The following DMTF1 variants were observed in gnomAD, a reference collection of about 807,000 sequenced individuals.
The protein encoded by DMTF1 is cyclin-D-binding Myb-like transcription factor 1.
A neutral mutation model predicts 91.1 loss-of-function variants in DMTF1; 39 were observed. The ratio of observed to expected loss-of-function variants is 0.43; its 90% CI spans 0.33 to 0.56. DMTF1 has a LOEUF of 0.56. DMTF1 is among the 20% of genes least tolerant of loss of function. The pLI is 0.05. For missense variants in DMTF1, 750 were observed against 914.5 expected (o/e 0.82, Z 2.32); for synonymous variants, 338 against 309.5 (o/e 1.09, Z -0.97).
chr7:87,193,207 C>G lies in DMTF1; in HGVS notation c.1504C>G (p.Leu502Val). The part of the protein sequence containing the change: ...QTFEILPSFH[L>V]QPTGTPGTYL... ...TTCCTTTTTCCTTTAGTCTTTCCAT[C>G]TACAGCCCACTGGCACTCCAGGCAC... Residue 502 changes from leucine to valine, a missense_variant, in exon 15 of 18, where the codon CTA (leucine) becomes GTA (valine). By Grantham distance (32) the Leu-to-Val change is conservative (BLOSUM62 1). Around this residue, in one of 3 missense-constraint regions of DMTF1, gnomAD observed 410 missense variants for 420.2 expected, o/e 0.98. Transcript: ENST00000331242. 1 of 1,613,096 alleles carries G rather than the reference C, an allele frequency of 6.2e-7. No individual in the cohort carries two copies. The highest frequency in any genetic ancestry group is 8.5e-7 in the Non-Finnish European group (1 of 1,179,398).
chr7:87,176,077 C>T (rs915492137), intron 7 of DMTF1, among the ~76,000 whole-genome samples: 5 of 152,126 alleles, frequency 3.3e-5, no homozygotes, highest in South Asian at 2.1e-4. Context: ...ATTCTCCTAT[C>T]GTTTGGTATA....
At position 87,181,407 on chromosome 7, in the gene DMTF1, T is replaced by C. The variant is rs1183783523; in HGVS notation, c.710+66T>C. 4.9e-6 allele frequency: 4 copies of C among 817,320 alleles called. No homozygotes were observed. In the East Asian group the frequency reaches 8.0e-5, roughly 16 times the overall value. The allele number at this position is 817,320 out of a possible 1,614,324, so 50.6% of individuals were successfully genotyped here. ...GTCTTACGTCCTTAAAAGTTTTACT[T>C]TGAAAATTTCAAGAGGTTTTTGGCA... On this transcript the variant is annotated intron_variant, in intron 9 of 17. Coordinates refer to ENST00000331242, the MANE Select transcript of DMTF1 (RefSeq NM_001142327.2).
At chr7:87,170,254 C>T (rs905659714) in intron 4 of DMTF1, among the ~76,000 whole-genome samples, 2 of 152,156 alleles carry the variant, frequency 1.3e-5, no homozygotes, top group Non-Finnish European at 2.9e-5. Context: ...TTGCCTTCAC[C>T]CTAGTCCAAG....
chr7:87,176,014 A>G (rs562363323), intron 7 of DMTF1, among the ~76,000 whole-genome samples: 3 of 152,178 alleles, frequency 2.0e-5, no homozygotes, highest in Non-Finnish European at 2.9e-5. Context: ...TGTTATGTCT[A>G]AAATGTAGAT....
intron 8 of DMTF1, 168 bp from the exon 9 acceptor site, chr7:87,181,141 C>G: frequency 2.3e-6 from 1 of 440,954 alleles, no homozygotes; most frequent in South Asian, 2.4e-5. Context: ...TGAGCCGCAC[C>G]CTGCCTATTC....
intron 5 of DMTF1, among the ~76,000 whole-genome samples, chr7:87,172,297 A>G (rs781443987): frequency 6.6e-6 from 1 of 152,236 alleles, no homozygotes; most frequent in Non-Finnish European, 1.5e-5. Context: ...AAAGTATGAC[A>G]TGTAAATAGA....
At chr7:87,157,239 T>C (rs969759762) in intron 1 of DMTF1, among the ~76,000 whole-genome samples, 3 of 152,140 alleles carry the variant, frequency 2.0e-5, no homozygotes, top group Non-Finnish European at 2.9e-5. Flanking sequence ...TGCTATATGT[T>C]CTGTAGCTTG....
chr7:87,185,316 C>G (rs1427045997), intron 11 of DMTF1, among the ~76,000 whole-genome samples: 1 of 152,046 alleles, frequency 6.6e-6, no homozygotes, highest in East Asian at 1.9e-4. Context: ...TTTTTTAAAC[C>G]TCAAATTTTG....
intron 11 of DMTF1, 181 bp downstream of exon 11, chr7:87,184,806 C>CT (rs3214245): frequency 0.078 from 37,579 of 479,326 alleles, no homozygotes; most frequent in East Asian, 0.1. Flanking sequence ...GTGTTTGTTC[C>CT]TTTTTTTTTT....
At chr7:87,155,308 A>T (rs990364791) in intron 1 of DMTF1, 1 of 152,200 alleles carries the variant, frequency 6.6e-6, no homozygotes, top group African/African-American at 2.4e-5. Context: ...TAGAGACTGC[A>T]TATTTAACAC....
At chr7:87,181,053 T>G (rs1403907975) in intron 8 of DMTF1, 1 of 207,834 alleles carries the variant, frequency 4.8e-6, no homozygotes, top group African/African-American at 2.3e-5. Context: ...TTTTGCCATG[T>G]TGGCCAGGCT....
At chr7:87,194,993 A>T (rs370140569) in intron 17 of DMTF1, 38 bp from the exon 18 acceptor site, 3 of 1,541,760 alleles carry the variant, frequency 1.9e-6, no homozygotes, top group Non-Finnish European at 2.7e-6. Flanking sequence ...TTAGAGAATA[A>T]ATATATACAT....
Position 87,193,709 on chromosome 7 carries a change from C to G in DMTF1, c.1651-16C>G. 1 of 1,569,806 alleles carries G rather than the reference C, an allele frequency of 6.4e-7. No individual in the cohort carries two copies. The highest frequency in any genetic ancestry group is 8.6e-7 in the Non-Finnish European group (1 of 1,158,968). On this transcript the variant is annotated splice_polypyrimidine_tract_variant and intron_variant, in intron 15 of 17. Transcript: ENST00000331242. ...ATTTGATTTACAACTTTAACAGGTT[C>G]TTTAATGTTTTATAGCCAGAACATT...
intron 14 of DMTF1, among the ~76,000 whole-genome samples, chr7:87,191,687 T>C (rs1359649185): frequency 6.6e-6 from 1 of 151,992 alleles, no homozygotes; most frequent in African/African-American, 2.4e-5. Flanking sequence ...ACACAAAATA[T>C]CACATAGTAC....
chr7:87,180,880 G>T (rs1210868523), intron 8 of DMTF1, among the ~76,000 whole-genome samples: 16 of 116,146 alleles, frequency 1.4e-4, no homozygotes, highest in Admixed American at 2.8e-4. Context: ...TTTTTTTTGA[G>T]ACAGAGTCTG....
chr7:87,190,294 G>T (rs1799452899), intron 13 of DMTF1, among the ~76,000 whole-genome samples: 1 of 151,692 alleles, frequency 6.6e-6, no homozygotes, highest in Non-Finnish European at 1.5e-5. Flanking sequence ...TATGAGGTAG[G>T]CAGGACAGGT....
Position 87,188,416 on chromosome 7 carries a change from T to G in DMTF1, c.1411+115T>G, listed in dbSNP as rs187035526. On this transcript the variant is annotated intron_variant, in intron 13 of 17. Coordinates refer to ENST00000331242, the MANE Select transcript of DMTF1 (RefSeq NM_001142327.2). ...TAGAAATTTACCCAAGTCGGTGAAC[T>G]GAAGGACATCTAAGATATTTTGTTT... 58 of 1,037,878 alleles carry G rather than the reference T, an allele frequency of 5.6e-5. No individual in the cohort carries two copies. In the East Asian group the frequency reaches 1.0e-3, roughly 18 times the overall value. The allele number at this position is 1,037,878 out of a possible 1,614,324, so 64.3% of individuals were successfully genotyped here.
intron 1 of DMTF1, among the ~76,000 whole-genome samples, chr7:87,162,307 G>C (rs1792652931): frequency 6.6e-6 from 1 of 152,098 alleles, no homozygotes; most frequent in South Asian, 2.1e-4. Flanking sequence ...CTGAGGTTAA[G>C]TGATCCTCCT....
At chr7:87,191,088 CT>C in intron 14 of DMTF1, 61 bp downstream of exon 14, 1 of 1,092,914 alleles carries the variant, frequency 9.1e-7, no homozygotes. Flanking sequence ...GTTGCTATCA[CT>C]TTTGTGTTTC....
Sources: allele counts gnomAD v4.1 joint callset (sites outside exome capture counted in the v4.1 genomes callset), GRCh38; gene constraint gnomAD v4.1.1; regional missense constraint gnomAD v4.1.1; transcripts MANE v1.5; gene names NCBI Gene and HGNC (gene_info 2026-07-23, HGNC 2026-07-21).